The following PTPRT variants were observed in gnomAD, a reference collection of about 807,000 sequenced individuals.
PTPRT encodes the protein receptor-type tyrosine-protein phosphatase T.
Under a neutral mutation model 176.8 loss-of-function variants are expected in PTPRT, and 56 were observed. That is an observed-to-expected ratio of 0.32 (90% confidence interval 0.26 to 0.40). The LOEUF (loss-of-function observed/expected upper bound fraction) is 0.40. Among genes scored for constraint, PTPRT ranks in the 10% least tolerant of loss-of-function variants. PTPRT has a pLI of 1.00. For synonymous variants in PTPRT, 783 were observed against 739.0 expected (o/e 1.06, Z -0.96); for missense variants, 1,540 against 1,908.2 (o/e 0.81, Z 3.60).
chr20:42,895,498 C>A (rs1404478528), intron 1 of PTPRT, among the ~76,000 whole-genome samples: 6 of 152,120 alleles, frequency 3.9e-5, no homozygotes, highest in Non-Finnish European at 5.9e-5. Context: ...CCATCACATG[C>A]ACAGTCCACG....
At chr20:42,726,093 A>G (rs2146248588) in intron 6 of PTPRT, among the ~76,000 whole-genome samples, 1 of 144,906 alleles carries the variant, frequency 6.9e-6, no homozygotes, top group East Asian at 2.1e-4. Flanking sequence ...TATTATTATT[A>G]TTATAGACTG....
chr20:42,654,758 G>C (rs1883505), intron 7 of PTPRT, among the ~76,000 whole-genome samples: 38,638 of 151,990 alleles, frequency 0.25, 5,303 homozygotes, highest in East Asian at 0.43. Flanking sequence ...GCCCAGAGAA[G>C]TTTAGTAAGT....
chr20:43,124,998 A>ATTT (rs551043648), intron 1 of PTPRT, among the ~76,000 whole-genome samples: 1 of 146,356 alleles, frequency 6.8e-6, no homozygotes. Flanking sequence ...GATTTGGGAA[A>ATTT]TTTTTTTTTT....
chr20:42,839,044 A>G (rs1285005935), intron 2 of PTPRT, among the ~76,000 whole-genome samples: 2 of 151,828 alleles, frequency 1.3e-5, no homozygotes, highest in Non-Finnish European at 1.5e-5. Context: ...CTGGACTATG[A>G]CCTCCTAGAG....
rs898623890 is a variant in PTPRT, at chr20:43,011,649, T to C, written c.89-125717A>G. Among the ~76,000 whole-genome samples, 34 of 152,114 alleles carry C rather than the reference T, an allele frequency of 2.2e-4. 1 individual carries two copies. The highest frequency in any genetic ancestry group is 2.6e-4 in the Admixed American group (4 of 15,280). On this transcript the variant is annotated intron_variant, in intron 1 of 30. Transcript: ENST00000373187. ...CAGCATTTCTCATGATGGCCCAAAA[T>C]TGGAATCAACCCAAATTTCCACCCA... is the stretch of plus-strand genomic sequence containing the variant.
At chr20:42,142,836 A>C (rs556572169) in intron 17 of PTPRT, among the ~76,000 whole-genome samples, 1 of 152,358 alleles carries the variant, frequency 6.6e-6, no homozygotes, top group African/African-American at 2.4e-5. Context: ...GAAACCATGA[A>C]AAACAAAACT....
Position 42,558,628 on chromosome 20 carries a change from T to C in PTPRT, c.1154-86066A>G, listed in dbSNP as rs115737723. ...CTTGACAAACCCATAAAGAAGAAAA[T>C]GGACTCACACGGCACAGAGGGGTAT... is the stretch of plus-strand genomic sequence containing the variant. On this transcript the variant is annotated intron_variant, in intron 7 of 30. Transcript: ENST00000373187. 9.1e-3 allele frequency among the ~76,000 whole-genome samples: 1,380 copies of C among 151,884 alleles called. 26 individuals are homozygous for C. Among genetic ancestry groups the C allele is most frequent in the African/African-American group, 0.032 (1,326 of 41,420 alleles).
At chr20:43,094,280 G>A (rs2012020657) in intron 1 of PTPRT, among the ~76,000 whole-genome samples, 1 of 149,348 alleles carries the variant, frequency 6.7e-6, no homozygotes, top group African/African-American at 2.5e-5. Context: ...TAGAGACGGG[G>A]TTTCACCATG....
intron 7 of PTPRT, among the ~76,000 whole-genome samples, chr20:42,492,341 G>A (rs929170573): frequency 5.9e-5 from 9 of 152,080 alleles, no homozygotes; most frequent in African/African-American, 4.8e-5. Flanking sequence ...TTGCATCCTC[G>A]CTATAATCTG....
chr20:42,487,939 T>A (rs1688445821), intron 7 of PTPRT, among the ~76,000 whole-genome samples: 1 of 152,220 alleles, frequency 6.6e-6, no homozygotes, highest in African/African-American at 2.4e-5. Context: ...TCTGCCCGAA[T>A]GAGTTCTTGT....
intron 7 of PTPRT, among the ~76,000 whole-genome samples, chr20:42,488,258 T>C (rs1311747079): frequency 2.0e-5 from 3 of 152,164 alleles, no homozygotes; most frequent in African/African-American, 7.2e-5. Context: ...TGGTCTACAT[T>C]CCTAGGGGCA....
At chr20:43,021,691 A>C (rs1290701466) in intron 1 of PTPRT, among the ~76,000 whole-genome samples, 1 of 152,142 alleles carries the variant, frequency 6.6e-6, no homozygotes, top group African/African-American at 2.4e-5. Flanking sequence ...CAGATCACTG[A>C]AGCATTGTTA....
intron 9 of PTPRT, among the ~76,000 whole-genome samples, chr20:42,400,268 A>G (rs1568846715): frequency 6.6e-6 from 1 of 152,034 alleles, no homozygotes; most frequent in East Asian, 1.9e-4. Flanking sequence ...CTTCCATATG[A>G]CTTTTTTTTC....
chr20:42,683,617 C>T (rs1249165513), intron 6 of PTPRT, among the ~76,000 whole-genome samples: 2 of 152,124 alleles, frequency 1.3e-5, no homozygotes, highest in African/African-American at 4.8e-5. Context: ...TTTTTCTTTT[C>T]AAAACTGCTT....
chr20:42,311,012 A>G (rs1415511614), intron 12 of PTPRT, among the ~76,000 whole-genome samples: 1 of 152,224 alleles, frequency 6.6e-6, no homozygotes, highest in Non-Finnish European at 1.5e-5. Context: ...ACAGATCAAC[A>G]AAGAGTCTAT....
chr20:42,203,338 C>T (rs148062738), intron 15 of PTPRT, among the ~76,000 whole-genome samples: 193 of 152,280 alleles, frequency 1.3e-3, no homozygotes, highest in African/African-American at 4.0e-3. Context: ...TCTCTCTCAA[C>T]GAAAGAGAAA....
chr20:42,910,149 C>A (rs2079526661), intron 1 of PTPRT, among the ~76,000 whole-genome samples: 1 of 152,142 alleles, frequency 6.6e-6, no homozygotes, highest in Non-Finnish European at 1.5e-5. Flanking sequence ...CAAACCGCAG[C>A]CCCCAAAGAC....
At chr20:42,924,992 G>A (rs191276583) in intron 1 of PTPRT, among the ~76,000 whole-genome samples, 49 of 152,348 alleles carry the variant, frequency 3.2e-4, no homozygotes, top group African/African-American at 1.2e-3. Flanking sequence ...ATTGTCCACA[G>A]TGTGAGAATT....
intron 2 of PTPRT, among the ~76,000 whole-genome samples, chr20:42,866,221 C>T (rs2078743669): frequency 6.6e-6 from 1 of 152,172 alleles, no homozygotes; most frequent in Admixed American, 6.5e-5. Context: ...TGCTAAGAAC[C>T]CAGTATTGTG....
Sources: gnomAD v4.1 joint callset for allele counts (sites outside exome capture counted in the v4.1 genomes callset) on GRCh38, gnomAD v4.1.1 for gene constraint, MANE v1.5 for transcripts, NCBI Gene and HGNC (gene_info 2026-07-23, HGNC 2026-07-21) for gene names.